Variants in XPA observed in about 807,000 individuals in gnomAD.
The protein encoded by XPA is DNA repair protein complementing XP-A cells.
XPA carries 27 observed loss-of-function variants against 35.7 expected under a neutral mutation model. That is an observed-to-expected ratio of 0.76 (90% CI 0.56 to 1.04). The LOEUF (loss-of-function observed/expected upper bound fraction) is 1.04. XPA is among the 50% of genes least tolerant of loss of function. The probability of loss-of-function intolerance (pLI) is 0.00; values close to 1 mark genes in which losing one functional copy is unlikely to be tolerated. For synonymous variants in XPA, 133 were observed against 118.4 expected (o/e 1.12, Z -0.80); for missense variants, 354 against 342.7 (o/e 1.03, Z -0.26).
the XPA span, among the ~76,000 whole-genome samples, chr9:97,660,146 C>T: frequency 1.3e-5 from 2 of 152,186 alleles, no homozygotes; most frequent in Admixed American, 6.5e-5. Context: ...TGTTTTTCTT[C>T]GCCTTCTTTT....
Position 97,689,605 on chromosome 9 carries a change from T to C in XPA, c.318A>G (p.Glu106=), listed in dbSNP as rs1317639909. The C allele has an allele frequency of 1.2e-6, 2 of 1,612,694 alleles. No homozygotes were observed. The highest frequency in any genetic ancestry group is 2.7e-5 in the African/African-American group (2 of 74,910). ...AATCCATAAATTCTTTCCCACATTCTTCGCATATTACATAATCAAATTCCA... is the reference window on the plus strand; with the variant it reads ...AATCCATAAATTCTTTCCCACATTCCTCGCATATTACATAATCAAATTCCA... The part of the protein sequence containing the change: ...PVMEFDYVIC[E]ECGKEFMDSY... The change falls in exon 3 of 6, where the codon GAA becomes GAG. Residue 106 remains glutamate, a synonymous_variant. Transcript: ENST00000375128.
downstream of XPA, chr9:97,671,408 T>C: frequency 2.0e-6 from 1 of 498,684 alleles, no homozygotes; most frequent in South Asian, 2.4e-5. Context: ...ACTATGACCA[T>C]GATATATTAT....
chr9:97,690,631 C>T (rs926759162), intron 2 of XPA, among the ~76,000 whole-genome samples: 1 of 152,160 alleles, frequency 6.6e-6, no homozygotes, highest in Non-Finnish European at 1.5e-5. Context: ...CGTGATCCAC[C>T]CACCTCAGCC....
chr9:97,665,372 G>C, the XPA span, among the ~76,000 whole-genome samples: 1 of 152,194 alleles, frequency 6.6e-6, no homozygotes, highest in African/African-American at 2.4e-5. Context: ...CGTAGAGAAG[G>C]TTCCATTATT....
chr9:97,669,494 G>A, the XPA span: 1 of 751,392 alleles, frequency 1.3e-6, no homozygotes, highest in Non-Finnish European at 2.3e-6. Context: ...CAAAGACAGG[G>A]TGGAACAGGC....
chr9:97,697,138 G>A lies in XPA; in HGVS notation c.155C>T (p.Ala52Val), dbSNP rs1205446893. 1.9e-6 allele frequency: 3 copies of A among 1,554,438 alleles called. No homozygotes were observed. Among genetic ancestry groups the A allele is most frequent in the African/African-American group, 1.4e-5 (1 of 72,478 alleles). Residue 52 changes from alanine to valine, a missense_variant, in exon 1 of 6, where the codon GCG becomes GTG. By Grantham distance (64) the Ala-to-Val change is moderately conservative (BLOSUM62 0). Transcript: ENST00000375128. ...RLAARPYSAT[A>V]AAATGGMANV... ...GCCCAAACCTCCAGTAGCCGCAGCC[G>A]CCGTCGCCGAGTAGGGCCGGGCAGC... is the stretch of plus-strand genomic sequence containing the variant.
At chr9:97,679,854 C>G (rs3176723) in intron 5 of XPA, among the ~76,000 whole-genome samples, 17,944 of 152,148 alleles carry the variant, frequency 0.12, 2,997 homozygotes, top group African/African-American at 0.37. Flanking sequence ...TACCATGTGT[C>G]TACTGATAAA....
the XPA span, among the ~76,000 whole-genome samples, chr9:97,655,447 T>G: frequency 6.6e-6 from 1 of 152,210 alleles, no homozygotes; most frequent in African/African-American, 2.4e-5. Flanking sequence ...GAAAATAATA[T>G]GTACCTTGGA....
At chr9:97,679,557 A>T (rs1200622709) in intron 5 of XPA, among the ~76,000 whole-genome samples, 1 of 152,138 alleles carries the variant, frequency 6.6e-6, no homozygotes, top group Non-Finnish European at 1.5e-5. Context: ...GCTTAAAAAA[A>T]AATCAGTTTC....
In XPA at chr9:97,697,118, A is replaced by AAC; in HGVS notation, c.172+1_172+2dup. 1 of 1,544,034 alleles carries AAC rather than the reference A, an allele frequency of 6.5e-7. No individual in the cohort carries two copies. The highest frequency in any genetic ancestry group is 8.7e-7 in the Non-Finnish European group (1 of 1,147,224). Reference sequence around the variant, plus strand: ...AAGGGGAAAGCGCGGACGCGGCCCAAACCTCCAGTAGCCGCAGCCGCCGTC... The same window carrying AAC: ...AAGGGGAAAGCGCGGACGCGGCCCAAACACCTCCAGTAGCCGCAGCCGCCGTC... On this transcript the variant is annotated splice_region_variant and intron_variant, in intron 1 of 5. Coordinates refer to ENST00000375128, the MANE Select transcript of XPA (RefSeq NM_000380.4).
At chr9:97,680,219 G>GT (rs1000511672) in intron 5 of XPA, among the ~76,000 whole-genome samples, 1 of 151,926 alleles carries the variant, frequency 6.6e-6, no homozygotes, top group African/African-American at 2.4e-5. Context: ...ATTGTTTTTT[G>GT]TTTTTTGAGA....
intron 5 of XPA, among the ~76,000 whole-genome samples, chr9:97,684,414 C>G (rs565288419): frequency 1.2e-3 from 179 of 152,244 alleles, no homozygotes; most frequent in Middle Eastern, 3.4e-3. Context: ...GTCAAAAAAC[C>G]CTGCTTCCAG....
At chr9:97,684,797 A>AT in intron 5 of XPA, 126 bp downstream of exon 5, 3 of 885,506 alleles carry the variant, frequency 3.4e-6, no homozygotes, top group African/African-American at 1.7e-5. Flanking sequence ...ACTGTAAGTC[A>AT]TTTTTTTCAA....
At chr9:97,690,371 C>T (rs140725541) in intron 2 of XPA, among the ~76,000 whole-genome samples, 33 of 152,068 alleles carry the variant, frequency 2.2e-4, no homozygotes, top group African/African-American at 5.8e-4. Flanking sequence ...CCACCATGCC[C>T]GGATAATTTT....
At chr9:97,668,864 A>C in the XPA span, 3 of 1,613,244 alleles carry the variant, frequency 1.9e-6, no homozygotes, top group East Asian at 6.7e-5. Context: ...TGATGACGAC[A>C]GAAGCAGTGA....
chr9:97,689,554 C>CA lies in XPA; in HGVS notation c.368dup (p.Leu123PhefsTer5). On this transcript the variant is annotated frameshift_variant, in exon 3 of 6. Transcript: ENST00000375128. LOFTEE classifies it high-confidence loss of function. ...AGTACCTGCAGTTATCACAAGTTGG[C>CA]AAATCAAAGTGGTTCATAAGATAAG... is the stretch of plus-strand genomic sequence containing the variant. 6.2e-7 allele frequency: 1 copy of CA among 1,611,698 alleles called. No individual in the cohort carries two copies.
At chr9:97,677,547 TTAGC>T (rs1326442015) in intron 5 of XPA, among the ~76,000 whole-genome samples, 4 of 152,000 alleles carry the variant, frequency 2.6e-5, no homozygotes, top group African/African-American at 7.2e-5. Context: ...ATTTTTTTAA[TTAGC>T]TAGCCACGGT....
the XPA span, among the ~76,000 whole-genome samples, chr9:97,655,453 T>G: frequency 6.6e-6 from 1 of 152,162 alleles, no homozygotes; most frequent in Non-Finnish European, 1.5e-5. Flanking sequence ...AATATGTACC[T>G]TGGAAGTTGT....
downstream of XPA, chr9:97,672,008 A>C (rs1828207715): frequency 6.6e-6 from 1 of 152,158 alleles, no homozygotes; most frequent in Non-Finnish European, 1.5e-5. Flanking sequence ...CAGAATACTA[A>C]AGTGGATGTA....
Sources: gnomAD v4.1 joint callset for allele counts (sites outside exome capture counted in the v4.1 genomes callset) on GRCh38, gnomAD v4.1.1 for gene constraint, MANE v1.5 for transcripts, NCBI Gene and HGNC (gene_info 2026-07-23, HGNC 2026-07-21) for gene names.